Variants in CCDC178 observed in about 807,000 individuals in gnomAD.
CCDC178 encodes the protein coiled-coil domain containing 178.
Under a neutral mutation model 117.4 loss-of-function variants are expected in CCDC178, and 126 were observed. The ratio of observed to expected loss-of-function variants is 1.07; its 90% CI spans 0.93 to 1.24. The LOEUF is 1.24. CCDC178 is among the 50% of genes most tolerant of loss of function. The pLI is 0.00. For synonymous variants in CCDC178, 283 were observed against 313.4 expected (o/e 0.90, Z 1.02); for missense variants, 1,030 against 986.9 (o/e 1.04, Z -0.59).
intron 7 of CCDC178, among the ~76,000 whole-genome samples, chr18:33,355,520 A>C (rs1169770339): frequency 6.6e-6 from 1 of 152,210 alleles, no homozygotes; most frequent in Non-Finnish European, 1.5e-5. Flanking sequence ...GCAGATCCTA[A>C]AGGTCAGCCA....
In CCDC178 at chr18:33,397,207, A is replaced by G. The variant is rs890869048; in HGVS notation, c.60T>C (p.Gly20=). ...SSTRDDQTNI[G]LTCQEVKALR... is the part of the protein sequence containing the mutation. ...GAGCCTTTACTTCCTGACATGTTAA[A>G]CCTATAAAAGGTAAAATAAAACAAA... Residue 20 remains glycine, a splice_region_variant and synonymous_variant, in exon 4 of 23, where the codon GGT becomes GGC. Coordinates refer to ENST00000383096, the MANE Select transcript of CCDC178 (RefSeq NM_001105528.4). 1 of 1,601,564 alleles carries G rather than the reference A, an allele frequency of 6.2e-7. No individual in the cohort carries two copies. The highest frequency in any genetic ancestry group is 1.7e-4 in the Middle Eastern group (1 of 6,010).
intron 12 of CCDC178, among the ~76,000 whole-genome samples, chr18:33,286,950 T>C (rs573090191): frequency 3.9e-5 from 6 of 152,318 alleles, no homozygotes; most frequent in African/African-American, 1.4e-4. Flanking sequence ...AAGGGATTTA[T>C]AGAAAATTCT....
intron 12 of CCDC178, among the ~76,000 whole-genome samples, chr18:33,282,292 A>G (rs1184572917): frequency 9.2e-5 from 14 of 152,154 alleles, no homozygotes; most frequent in Non-Finnish European, 1.9e-4. Context: ...AAGCCAGCTG[A>G]TGTGGAGCCC....
chr18:33,008,623 T>C (rs1049834255), intron 21 of CCDC178, among the ~76,000 whole-genome samples: 6 of 152,088 alleles, frequency 3.9e-5, no homozygotes, highest in African/African-American at 1.4e-4. Context: ...TATGTTTATA[T>C]CAAAATTGTT....
At chr18:33,097,973 A>C (rs1170984375) in intron 20 of CCDC178, among the ~76,000 whole-genome samples, 1 of 152,112 alleles carries the variant, frequency 6.6e-6, no homozygotes, top group Non-Finnish European at 1.5e-5. Flanking sequence ...GACCAAATGC[A>C]TGGACCTTCA....
chr18:33,191,622 C>A (rs2058859131), intron 20 of CCDC178, among the ~76,000 whole-genome samples: 1 of 152,104 alleles, frequency 6.6e-6, no homozygotes, highest in South Asian at 2.1e-4. Context: ...GGAGTTTTCA[C>A]AGATATGCAT....
intron 9 of CCDC178, 83 bp downstream of exon 9, chr18:33,346,127 AT>A (rs927916287): frequency 1.1e-5 from 12 of 1,096,592 alleles, no homozygotes; most frequent in Admixed American, 4.9e-5. Flanking sequence ...CACTAAGACA[AT>A]TTTTTTAAAA....
chr18:33,390,068 G>T (rs1311023348), intron 4 of CCDC178, among the ~76,000 whole-genome samples: 1 of 149,002 alleles, frequency 6.7e-6, no homozygotes, highest in East Asian at 1.9e-4. Context: ...TGATATGTAG[G>T]ATTTATTTCT....
rs541354008 is a variant in CCDC178, at chr18:33,012,757, C to T, written c.2389-38076G>A. Reference sequence around the variant, plus strand: ...ATCAAGATAATCTTCAACCTTTTTTCGCCATATGATACAATTTCCCCATAA... The same window carrying T: ...ATCAAGATAATCTTCAACCTTTTTTTGCCATATGATACAATTTCCCCATAA... On this transcript the variant is annotated intron_variant, in intron 21 of 22. Transcript: ENST00000383096. 3.2e-4 allele frequency among the ~76,000 whole-genome samples: 49 copies of T among 151,956 alleles called. 1 individual carries two copies. In the South Asian group the frequency reaches 3.5e-3, roughly 11 times the overall value.
intron 22 of CCDC178, among the ~76,000 whole-genome samples, chr18:32,947,504 T>C (rs777658216): frequency 3.9e-5 from 6 of 152,218 alleles, no homozygotes; most frequent in Non-Finnish European, 2.9e-5. Flanking sequence ...TATATCTTCT[T>C]TGGTGAATTG....
At chr18:33,282,135 C>A (rs1353261246) in intron 12 of CCDC178, among the ~76,000 whole-genome samples, 1 of 152,162 alleles carries the variant, frequency 6.6e-6, no homozygotes, top group Non-Finnish European at 1.5e-5. Context: ...TGAACCACAA[C>A]AGTTCCGGAG....
chr18:33,072,572 G>A (rs2057127860), intron 21 of CCDC178, among the ~76,000 whole-genome samples: 2 of 152,120 alleles, frequency 1.3e-5, no homozygotes, highest in Admixed American at 1.3e-4. Context: ...CAAACTTGAT[G>A]TGTATTGACT....
intron 20 of CCDC178, among the ~76,000 whole-genome samples, chr18:33,187,285 A>T (rs1408525734): frequency 6.6e-6 from 1 of 152,086 alleles, no homozygotes; most frequent in Non-Finnish European, 1.5e-5. Context: ...GGGTGGGGAC[A>T]CAGAGCCAAA....
chr18:33,337,779 G>T (rs368354565), intron 9 of CCDC178, among the ~76,000 whole-genome samples: 3 of 152,050 alleles, frequency 2.0e-5, no homozygotes, highest in East Asian at 3.9e-4. Context: ...CAAAGACTTA[G>T]ATCTAATACT....
intron 9 of CCDC178, among the ~76,000 whole-genome samples, chr18:33,343,386 C>A (rs1042988723): frequency 1.3e-5 from 2 of 152,126 alleles, no homozygotes; most frequent in Non-Finnish European, 2.9e-5. Context: ...TTCTAGTTAT[C>A]TTTTTTGATA....
chr18:33,382,449 T>G (rs932074459), intron 5 of CCDC178, among the ~76,000 whole-genome samples: 1 of 151,788 alleles, frequency 6.6e-6, no homozygotes. Flanking sequence ...AAGACCAACA[T>G]GGAAGGTGGG....
chr18:33,026,384 T>C lies in CCDC178; in HGVS notation c.2389-51703A>G, dbSNP rs1234776879. 2.0e-5 allele frequency among the ~76,000 whole-genome samples: 3 copies of C among 152,094 alleles called. No homozygotes were observed. The East Asian group carries it at 5.8e-4, about 29-fold the overall frequency. ...GTGAGTAAAGAATACACAAAATCTT[T>C]CTGCATTATCTCTTACATTGGCATG... On this transcript the variant is annotated intron_variant, in intron 21 of 22. Transcript: ENST00000383096.
intron 7 of CCDC178, among the ~76,000 whole-genome samples, chr18:33,354,608 A>ATT (rs749999694): frequency 1.5e-4 from 21 of 138,488 alleles, no homozygotes; most frequent in South Asian, 2.3e-4. Flanking sequence ...CAGTTCCAGA[A>ATT]TTTTTTTTTT....
upstream of CCDC178, chr18:33,440,856 A>G (rs1330223651): frequency 2.0e-5 from 3 of 152,872 alleles, no homozygotes; most frequent in East Asian, 5.8e-4. Flanking sequence ...TCGGCGCCCG[A>G]TCAGCGCTCC....
Sources: allele counts gnomAD v4.1 joint callset (sites outside exome capture counted in the v4.1 genomes callset), GRCh38; gene constraint gnomAD v4.1.1; transcripts MANE v1.5; gene names NCBI Gene and HGNC (gene_info 2026-07-23, HGNC 2026-07-21).